The following CAMLG variants were observed in gnomAD, a reference collection of about 807,000 sequenced individuals.
CAMLG encodes guided entry of tail-anchored proteins factor CAMLG.
In CAMLG, 23 loss-of-function variants were observed where a neutral mutation model predicts 28.9. The ratio of observed to expected loss-of-function variants is 0.80; its 90% CI spans 0.57 to 1.13. CAMLG has a LOEUF of 1.13. Ranked by LOEUF, CAMLG falls within the 50% of genes most tolerant of loss-of-function variation. The pLI is 0.00. For synonymous variants in CAMLG, 141 were observed against 146.5 expected, an observed-to-expected ratio of 0.96 and a Z score of 0.27; for missense variants, 367 against 371.9, an observed-to-expected ratio of 0.99 and a Z score of 0.11.
At chr5:134,738,862 C>T in intron 1 of CAMLG, 70 bp downstream of exon 1, 1 of 1,446,468 alleles carries the variant, frequency 6.9e-7, no homozygotes, top group Non-Finnish European at 9.7e-7. Context: ...CTTCCCTCTC[C>T]CACCTCCACT....
chr5:134,738,598 C>T lies in CAMLG; in HGVS notation c.-23C>T, dbSNP rs1292757205. 1 of 1,573,640 alleles carries T rather than the reference C, an allele frequency of 6.4e-7. No homozygotes were observed. The highest frequency in any genetic ancestry group is 8.6e-7 in the Non-Finnish European group (1 of 1,162,490). On this transcript the variant is annotated 5_prime_UTR_variant, in exon 1 of 4. Transcript: ENST00000297156. ...GGCCAACATCACCGCCACTGCCACC[C>T]CTCCCAGACTGTGGACGGGAGGATG...
At chr5:134,744,614 C>T (rs1753024297) in intron 3 of CAMLG, among the ~76,000 whole-genome samples, 1 of 150,746 alleles carries the variant, frequency 6.6e-6, no homozygotes, top group African/African-American at 2.4e-5. Flanking sequence ...TACAAAAATA[C>T]TGTGGATTGA....
In CAMLG at chr5:134,744,062, T is replaced by C; in HGVS notation, c.699+10T>C. 8.0e-7 allele frequency: 1 copy of C among 1,251,716 alleles called. No homozygotes were observed. The highest frequency in any genetic ancestry group is 1.2e-6 in the Non-Finnish European group (1 of 865,498). 77.5% of individuals were successfully genotyped at this position (1,251,716 alleles called of 1,614,324 possible). A position where few individuals can be genotyped will look rare whatever the true frequency, so the allele number is the denominator to read the frequency against. ...CAAATATTTTCCCAAGGTAAATTAATTTTTTTTCTAAATTTCGATGATGTG... is the reference window on the plus strand; with the variant it reads ...CAAATATTTTCCCAAGGTAAATTAACTTTTTTTCTAAATTTCGATGATGTG... On this transcript the variant is annotated intron_variant, in intron 3 of 3. Transcript: ENST00000297156.
rs370560590 is a variant in CAMLG at position 134,750,733 on chromosome 5, A to G, written c.700-26A>G. ...AATGTAGCCTGCTGAAACTTTGAAG[A>G]TTAATTTGAGTCTTTCTCTACACAG... is the stretch of plus-strand genomic sequence containing the variant. On this transcript the variant is annotated intron_variant, in intron 3 of 3. Coordinates refer to ENST00000297156, the MANE Select transcript of CAMLG (RefSeq NM_001745.4). The G allele has an allele frequency of 1.9e-6, 3 of 1,555,882 alleles. No homozygotes were observed. In the African/African-American group the frequency reaches 4.1e-5, roughly 21 times the overall value.
In CAMLG at chr5:134,741,276, T is replaced by A. The variant is rs769564299; in HGVS notation, c.386T>A (p.Leu129His). The A allele has an allele frequency of 2.5e-6, 4 of 1,614,050 alleles. No homozygotes were observed. The highest frequency in any genetic ancestry group is 3.3e-5 in the Admixed American group (2 of 59,984). ...CCTGAGTGCAGTAGTGATGTCAACC[T>A]TGAGCTCCGGCAGCGGAACAGAGGG... ...KPPECSSDVN[L>H]ELRQRNRGDL... is the part of the protein sequence containing the mutation. Residue 129 changes from leucine to histidine, a missense_variant, in exon 2 of 4, where the codon CTT (leucine) becomes CAT (histidine). Physicochemically the swap from Leu to His is moderately conservative, Grantham distance 99. Transcript: ENST00000297156.
At chr5:134,741,624 A>G (rs1282091193) in intron 2 of CAMLG, 101 bp downstream of exon 2, 3 of 721,496 alleles carry the variant, frequency 4.2e-6, no homozygotes, top group Non-Finnish European at 7.0e-6. Flanking sequence ...CAGTATTAAT[A>G]TCTACCAGAT....
intron 3 of CAMLG, among the ~76,000 whole-genome samples, chr5:134,745,474 T>A (rs1189388136): frequency 1.4e-5 from 2 of 138,070 alleles, no homozygotes; most frequent in Non-Finnish European, 1.6e-5. Flanking sequence ...CCTTTGAGGC[T>A]GGGCGCCGTG....
At chr5:134,740,082 A>G (rs375902938) in intron 1 of CAMLG, among the ~76,000 whole-genome samples, 2 of 152,064 alleles carry the variant, frequency 1.3e-5, no homozygotes, top group African/African-American at 4.8e-5. Flanking sequence ...GGGGGGTCTC[A>G]CTATGTTTCC....
Position 134,748,811 on chromosome 5 carries a change from T to C in CAMLG, c.700-1948T>C, listed in dbSNP as rs72800335. Among the ~76,000 whole-genome samples, 276 of 152,314 alleles carry C rather than the reference T, an allele frequency of 1.8e-3. 1 individual carries two copies. The highest frequency in any genetic ancestry group is 5.4e-3 in the South Asian group (26 of 4,826). On this transcript the variant is annotated intron_variant, in intron 3 of 3. Coordinates refer to ENST00000297156, the MANE Select transcript of CAMLG (RefSeq NM_001745.4). ...ATGTAAGTGGGATCATTCTTGATTT[T>C]ACTTTTTTGTGCAAGCCTTCTTTAT...
chr5:134,749,943 C>T (rs1441121191), intron 3 of CAMLG, among the ~76,000 whole-genome samples: 1 of 152,104 alleles, frequency 6.6e-6, no homozygotes, highest in Non-Finnish European at 1.5e-5. Context: ...AGGCTCAAGC[C>T]ATCACCCAGC....
chr5:134,744,595 A>G (rs1372135318), intron 3 of CAMLG, among the ~76,000 whole-genome samples: 1 of 151,674 alleles, frequency 6.6e-6, no homozygotes, highest in Non-Finnish European at 1.5e-5. Context: ...TAACATTGTT[A>G]TTCTGTTTTA....
At chr5:134,743,873 A>G (rs1753014075) in intron 2 of CAMLG, 114 bp from the exon 3 acceptor site, 2 of 604,052 alleles carry the variant, frequency 3.3e-6, no homozygotes, top group South Asian at 4.0e-5. Flanking sequence ...TCAAAAAATA[A>G]TAATAACAAC....
In CAMLG at chr5:134,750,921, CTTGA is replaced by C; in HGVS notation, c.865_868del (p.Asp289IlefsTer31). The C allele has an allele frequency of 6.2e-7, 1 of 1,612,942 alleles. No homozygotes were observed. Among genetic ancestry groups the C allele is most frequent in the Non-Finnish European group, 8.5e-7 (1 of 1,179,684 alleles). ...CACTTTTATCTTTTGTCATGAACTG[CTTGA>C]TTATTGGGGCTCTGAAGTACCATGA... On this transcript the variant is annotated frameshift_variant, in exon 4 of 4. Coordinates refer to ENST00000297156, the MANE Select transcript of CAMLG (RefSeq NM_001745.4). LOFTEE classifies it high-confidence loss of function.
chr5:134,748,481 T>C (rs1753076804), intron 3 of CAMLG, among the ~76,000 whole-genome samples: 1 of 152,124 alleles, frequency 6.6e-6, no homozygotes, highest in African/African-American at 2.4e-5. Context: ...GAGGTTGCAG[T>C]GGGCCGAGAT....
At chr5:134,739,857 T>A (rs1448539740) in intron 1 of CAMLG, among the ~76,000 whole-genome samples, 1 of 152,218 alleles carries the variant, frequency 6.6e-6, no homozygotes, top group Non-Finnish European at 1.5e-5. Flanking sequence ...TCTTTTGCTT[T>A]GAAAATTTTA....
At chr5:134,745,478 C>A (rs1017464757) in intron 3 of CAMLG, among the ~76,000 whole-genome samples, 4 of 149,394 alleles carry the variant, frequency 2.7e-5, no homozygotes, top group African/African-American at 9.9e-5. Context: ...TGAGGCTGGG[C>A]GCCGTGGCTC....
In CAMLG at chr5:134,750,492, C is replaced by T. The variant is rs893150817; in HGVS notation, c.700-267C>T. On this transcript the variant is annotated intron_variant, in intron 3 of 3. Coordinates refer to ENST00000297156, the MANE Select transcript of CAMLG (RefSeq NM_001745.4). Reference sequence around the variant, plus strand: ...GGCAGAGGTTGCAGTGAGCCGAGATCGTGCCATTGCACTCCAACCTGGGCA... The same window carrying T: ...GGCAGAGGTTGCAGTGAGCCGAGATTGTGCCATTGCACTCCAACCTGGGCA... Among the ~76,000 whole-genome samples the T allele has an allele frequency of 6.6e-5, 10 of 151,566 alleles. No homozygotes were observed. The South Asian group carries it at 1.9e-3, about 28-fold the overall frequency.
intron 1 of CAMLG, among the ~76,000 whole-genome samples, chr5:134,739,978 C>T (rs1752963813): frequency 6.6e-6 from 1 of 152,122 alleles, no homozygotes; most frequent in Admixed American, 6.6e-5. Flanking sequence ...TGGGCTTAAG[C>T]AATCCTGCTA....
chr5:134,743,818 A>G (rs935772036), intron 2 of CAMLG, among the ~76,000 whole-genome samples, 169 bp from the exon 3 acceptor site: 4 of 151,850 alleles, frequency 2.6e-5, no homozygotes, highest in Non-Finnish European at 5.9e-5. Flanking sequence ...ATGAACCAAG[A>G]TCGTGCCACT....
Sources: allele counts gnomAD v4.1 joint callset (sites outside exome capture counted in the v4.1 genomes callset), GRCh38; gene constraint gnomAD v4.1.1; transcripts MANE v1.5; gene names NCBI Gene and HGNC (gene_info 2026-07-23, HGNC 2026-07-21).